The following POLN variants were observed in gnomAD, a reference collection of about 807,000 sequenced individuals.
The protein encoded by POLN is DNA polymerase nu, also known as DNA polymerase N.
In POLN, 108 loss-of-function variants were observed where a neutral mutation model predicts 113.5. That is an observed-to-expected ratio of 0.95 (90% CI 0.81 to 1.12). POLN has a LOEUF of 1.12. Ranked by LOEUF, POLN falls within the 50% of genes most tolerant of loss-of-function variation. The probability of loss-of-function intolerance (pLI) is 0.00; values close to 1 mark genes in which losing one functional copy is unlikely to be tolerated. For synonymous variants in POLN, 386 were observed against 391.5 expected, an observed-to-expected ratio of 0.99 and a Z score of 0.17; for missense variants, 1,097 against 1,077.1, an observed-to-expected ratio of 1.02 and a Z score of -0.26.
Position 2,170,746 on chromosome 4 carries a change from A to C in POLN, c.1487T>G (p.Leu496Arg), listed in dbSNP as rs775842659. The C allele has an allele frequency of 1.9e-6, 3 of 1,614,218 alleles. No homozygotes were observed. The highest frequency in any genetic ancestry group is 1.7e-5 in the Admixed American group (1 of 60,026). ...GGGGAGACTGTTCCTTTGACTCAGC[A>C]GGTGCAGCTTTAACTTGCCAAAGAG... Reference protein sequence around the residue: ...EILFGKLKLHLLSQRNSLPRT... With the variant: ...EILFGKLKLHRLSQRNSLPRT... Residue 496 changes from leucine to arginine, a missense_variant, in exon 13 of 26, where the codon CTG (leucine) becomes CGG (arginine). Leu to Arg is a moderately radical substitution (Grantham distance 102). Transcript: ENST00000511885.
At position 2,185,037 on chromosome 4, in the gene POLN, G is replaced by T. The variant is rs576670941; in HGVS notation, c.1022-5572C>A. Among the ~76,000 whole-genome samples, 5 of 152,028 alleles carry T rather than the reference G, an allele frequency of 3.3e-5. No homozygotes were observed. In the East Asian group the frequency reaches 7.7e-4, roughly 23 times the overall value. On this transcript the variant is annotated intron_variant, in intron 7 of 25. Transcript: ENST00000511885. ...GGTAACCAAATAGATGATAAAAGGGGATTTCTCTTTATGTAAGTGTTATAG... is the reference window on the plus strand; with the variant it reads ...GGTAACCAAATAGATGATAAAAGGGTATTTCTCTTTATGTAAGTGTTATAG...
chr4:2,072,691 C>G (rs897744474), intron 25 of POLN, among the ~76,000 whole-genome samples: 1 of 152,152 alleles, frequency 6.6e-6, no homozygotes, highest in Non-Finnish European at 1.5e-5. Context: ...AGAGCCCTCC[C>G]GGGGGTCCCT....
intron 19 of POLN, among the ~76,000 whole-genome samples, chr4:2,115,708 C>T (rs1731301308): frequency 6.6e-6 from 1 of 152,152 alleles, no homozygotes; most frequent in Non-Finnish European, 1.5e-5. Flanking sequence ...CTAAAAAGGA[C>T]ACACCACTTC....
chr4:2,146,952 T>C (rs1371009643), intron 16 of POLN, among the ~76,000 whole-genome samples: 1 of 152,184 alleles, frequency 6.6e-6, no homozygotes, highest in East Asian at 1.9e-4. Flanking sequence ...ACAGTGAGCA[T>C]ATATTTAGGA....
At chr4:2,130,288 AG>A (rs796845234) in intron 17 of POLN, among the ~76,000 whole-genome samples, 767 of 68,572 alleles carry the variant, frequency 0.011, 14 homozygotes, top group African/African-American at 0.041. Flanking sequence ...AGGAGAGGGG[AG>A]GAGAGGGGAG....
chr4:2,143,464 C>T (rs907857615), intron 16 of POLN, among the ~76,000 whole-genome samples: 10 of 152,082 alleles, frequency 6.6e-5, no homozygotes, highest in Non-Finnish European at 1.3e-4. Flanking sequence ...ACCAATTCTT[C>T]AAAAAGCAAA....
intron 24 of POLN, among the ~76,000 whole-genome samples, chr4:2,074,631 G>C (rs1297548061): frequency 6.6e-6 from 1 of 152,166 alleles, no homozygotes; most frequent in African/African-American, 2.4e-5. Context: ...ACACCCCTAA[G>C]GGTAAGGCCT....
intron 19 of POLN, among the ~76,000 whole-genome samples, chr4:2,117,461 C>A (rs1243112936): frequency 6.6e-6 from 1 of 152,198 alleles, no homozygotes; most frequent in East Asian, 1.9e-4. Context: ...CTTATCAGGG[C>A]AGCAGGCTGG....
At chr4:2,167,958 T>G (rs1327659348) in intron 13 of POLN, among the ~76,000 whole-genome samples, 1 of 152,078 alleles carries the variant, frequency 6.6e-6, no homozygotes, top group Non-Finnish European at 1.5e-5. Context: ...CCCCCACACA[T>G]TTGGAAATGT....
At chr4:2,217,171 C>T (rs925148918) in intron 3 of POLN, among the ~76,000 whole-genome samples, 2 of 152,218 alleles carry the variant, frequency 1.3e-5, no homozygotes, top group Non-Finnish European at 2.9e-5. Flanking sequence ...CCACTAACCG[C>T]TGCCCAAGAG....
Position 2,163,535 on chromosome 4 carries a change from G to T in POLN, c.1555-4324C>A, listed in dbSNP as rs1007549437. Reference sequence around the variant, plus strand: ...TGCGCCGGCTGCAGACACCACATTCGTCTGACCTCCCTTCTCACTCATTTC... The same window carrying T: ...TGCGCCGGCTGCAGACACCACATTCTTCTGACCTCCCTTCTCACTCATTTC... On this transcript the variant is annotated intron_variant, in intron 13 of 25. Coordinates refer to ENST00000511885, the MANE Select transcript of POLN (RefSeq NM_181808.4). Among the ~76,000 whole-genome samples, 4 of 152,344 alleles carry T rather than the reference G, an allele frequency of 2.6e-5. No homozygotes were observed. In the South Asian group the frequency reaches 8.3e-4, roughly 32 times the overall value.
rs1405763863 is a variant in POLN, at chr4:2,148,668, C to G, written c.1731+8120G>C. On this transcript the variant is annotated intron_variant, in intron 16 of 25. Coordinates refer to ENST00000511885, the MANE Select transcript of POLN (RefSeq NM_181808.4). ...GGCGACAGAGCGAGACTCTGTCCCCCCCCCAAAAAAAAAAAGTATGTGAAT... is the reference window on the plus strand; with the variant it reads ...GGCGACAGAGCGAGACTCTGTCCCCGCCCCAAAAAAAAAAAGTATGTGAAT... 7.6e-5 allele frequency among the ~76,000 whole-genome samples: 3 copies of G among 39,572 alleles called. No individual in the cohort carries two copies. The South Asian group carries it at 2.8e-3, about 37-fold the overall frequency. The allele number at this position is 39,572 out of a possible 152,430, so 26.0% of individuals were successfully genotyped here.
chr4:2,229,225 T>G lies in POLN; in HGVS notation c.7A>C (p.Asn3His). 6.3e-7 allele frequency: 1 copy of G among 1,597,048 alleles called. No individual in the cohort carries two copies. Among genetic ancestry groups the G allele is most frequent in the African/African-American group, 1.3e-5 (1 of 74,086 alleles). ...TCAAAGCCTACCAATGCCTCATAATTTTCCATTTTCACAAAATCCTAAATG... is the reference window on the plus strand; with the variant it reads ...TCAAAGCCTACCAATGCCTCATAATGTTCCATTTTCACAAAATCCTAAATG... The part of the protein sequence containing the change: ME[N>H]YEALVGFDLC... The change falls in exon 3 of 26, where the codon AAT (asparagine) becomes CAT (histidine). Residue 3 changes from asparagine (N) to histidine (H), a missense_variant. Coordinates refer to ENST00000511885, the MANE Select transcript of POLN (RefSeq NM_181808.4).
intron 7 of POLN, among the ~76,000 whole-genome samples, chr4:2,187,948 CAAAATAA>C (rs1462001628): frequency 2.6e-5 from 4 of 151,856 alleles, no homozygotes; most frequent in African/African-American, 9.7e-5. Flanking sequence ...CCTGTCTCTA[CAAAATAA>C]AAATAAAAAA....
intron 16 of POLN, among the ~76,000 whole-genome samples, chr4:2,156,227 T>A (rs551054336): frequency 6.6e-6 from 1 of 152,342 alleles, no homozygotes; most frequent in East Asian, 1.9e-4. Context: ...GACTTATTAC[T>A]ATTTTTATTT....
At chr4:2,110,280 G>C (rs959520129) in intron 19 of POLN, among the ~76,000 whole-genome samples, 1 of 152,058 alleles carries the variant, frequency 6.6e-6, no homozygotes, top group African/African-American at 2.4e-5. Flanking sequence ...GCCCACAAGA[G>C]AAAGCAGGAA....
intron 19 of POLN, among the ~76,000 whole-genome samples, chr4:2,106,946 C>T (rs1357904286): frequency 2.2e-4 from 34 of 152,110 alleles, no homozygotes; most frequent in Admixed American, 2.0e-3. Context: ...TATTTTTTGG[C>T]ATATTTGTTA....
chr4:2,160,052 C>CATA (rs928373652), intron 13 of POLN, among the ~76,000 whole-genome samples: 1 of 152,178 alleles, frequency 6.6e-6, no homozygotes, highest in Non-Finnish European at 1.5e-5. Flanking sequence ...CCAAAGTAAA[C>CATA]ATACCTGTTT....
At chr4:2,121,400 A>G (rs1000233817) in intron 19 of POLN, among the ~76,000 whole-genome samples, 2 of 149,322 alleles carry the variant, frequency 1.3e-5, no homozygotes, top group East Asian at 3.9e-4. Context: ...GCGCCACTAC[A>G]CTCCAGCCTG....
Sources: allele counts gnomAD v4.1 joint callset (sites outside exome capture counted in the v4.1 genomes callset), GRCh38; gene constraint gnomAD v4.1.1; transcripts MANE v1.5; gene names NCBI Gene and HGNC (gene_info 2026-07-23, HGNC 2026-07-21).